Variants in ATE1 observed in about 807,000 individuals in gnomAD.
ATE1 encodes arginyl-tRNA--protein transferase 1.
ATE1 carries 36 observed loss-of-function variants against 70.5 expected under a neutral mutation model. The ratio of observed to expected loss-of-function variants is 0.51; its 90% CI spans 0.39 to 0.67. The LOEUF (loss-of-function observed/expected upper bound fraction) is 0.67, where lower values mean the gene tolerates loss of function less well. ATE1 is among the 30% of genes least tolerant of loss of function. The pLI is 0.00. For synonymous variants in ATE1, 232 were observed against 219.3 expected, an observed-to-expected ratio of 1.06 and a Z score of -0.51; for missense variants, 593 against 629.5, an observed-to-expected ratio of 0.94 and a Z score of 0.62.
chr10:121,854,236 T>C (rs1949161487), intron 8 of ATE1, among the ~76,000 whole-genome samples: 1 of 152,322 alleles, frequency 6.6e-6, no homozygotes, highest in Admixed American at 6.5e-5. Flanking sequence ...TAACCAGTTG[T>C]TTTTATCTAA....
intron 8 of ATE1, among the ~76,000 whole-genome samples, chr10:121,846,307 T>C (rs921985224): frequency 2.6e-5 from 4 of 152,182 alleles, no homozygotes; most frequent in Non-Finnish European, 5.9e-5. Flanking sequence ...CACACTGATA[T>C]ATATGATTGA....
chr10:121,754,079 C>A (rs1213798170), intron 11 of ATE1, among the ~76,000 whole-genome samples: 1 of 152,172 alleles, frequency 6.6e-6, no homozygotes, highest in African/African-American at 2.4e-5. Flanking sequence ...GATTAAAATT[C>A]CAGATACTGG....
At position 121,751,401 on chromosome 10, in the gene ATE1, A is replaced by C. The variant is rs76529183; in HGVS notation, c.1379-7543T>G. Among the ~76,000 whole-genome samples, 725 of 152,332 alleles carry C rather than the reference A, an allele frequency of 4.8e-3. 11 individuals carry two copies. Among genetic ancestry groups the C allele is most frequent in the African/African-American group, 0.016 (675 of 41,568 alleles). ...TGAAGAACTGCCAGACTGTTTTCCCAAGTGGCCGCCTCATTTGACATTCCC... is the reference window on the plus strand; with the variant it reads ...TGAAGAACTGCCAGACTGTTTTCCCCAGTGGCCGCCTCATTTGACATTCCC... On this transcript the variant is annotated intron_variant, in intron 11 of 11. Transcript: ENST00000224652.
intron 10 of ATE1, among the ~76,000 whole-genome samples, chr10:121,811,249 T>A (rs7093600): frequency 6.6e-6 from 1 of 151,954 alleles, no homozygotes; most frequent in African/African-American, 2.4e-5. Flanking sequence ...TATATAAACA[T>A]ACATTCACAT....
chr10:121,848,909 T>TA (rs959010195), intron 8 of ATE1, among the ~76,000 whole-genome samples: 39 of 125,206 alleles, frequency 3.1e-4, no homozygotes, highest in South Asian at 1.0e-3. Flanking sequence ...AGACTCCCTC[T>TA]AAAAAAAAAA....
In ATE1 at chr10:121,840,979, T is replaced by G. The variant is rs528066557; in HGVS notation, c.1157+103A>C. 40 of 1,065,224 alleles carry G rather than the reference T, an allele frequency of 3.8e-5. No homozygotes were observed. The East Asian group carries it at 1.0e-3, about 27-fold the overall frequency. The allele number at this position is 1,065,224 out of a possible 1,614,324, so 66.0% of individuals were successfully genotyped here. A position where few individuals can be genotyped will look rare whatever the true frequency, so the allele number is the denominator to read the frequency against. On this transcript the variant is annotated intron_variant, in intron 9 of 11. Transcript: ENST00000224652. ...CTAGCAACAAATCATTATAATACAC[T>G]GTCAATTAGGACTTCTACTGTTACA...
rs191189679 is a variant in ATE1, at chr10:121,786,575, G to C, written c.1378+3594C>G. Among the ~76,000 whole-genome samples, 231 of 152,012 alleles carry C rather than the reference G, an allele frequency of 1.5e-3. 2 individuals carry two copies. Among genetic ancestry groups the C allele is most frequent in the Non-Finnish European group, 1.0e-3 (69 of 67,986 alleles). Reference sequence around the variant, plus strand: ...TCCCAGCTACTTAAGAGACTGAGGCGGGAGGATCGTTTGAGCCCTGGAGGC... The same window carrying C: ...TCCCAGCTACTTAAGAGACTGAGGCCGGAGGATCGTTTGAGCCCTGGAGGC... On this transcript the variant is annotated intron_variant, in intron 11 of 11. Transcript: ENST00000224652.
chr10:121,800,963 T>C (rs1946854868), intron 10 of ATE1, among the ~76,000 whole-genome samples: 1 of 152,192 alleles, frequency 6.6e-6, no homozygotes. Flanking sequence ...TTTCATTACA[T>C]AAACAGAGAT....
chr10:121,781,329 C>T (rs1945979126), intron 11 of ATE1, among the ~76,000 whole-genome samples: 1 of 152,202 alleles, frequency 6.6e-6, no homozygotes, highest in Non-Finnish European at 1.5e-5. Flanking sequence ...TCTGATGCAG[C>T]AGCCTGGTAC....
intron 11 of ATE1, among the ~76,000 whole-genome samples, chr10:121,755,791 T>A (rs1454957867): frequency 6.6e-6 from 1 of 152,126 alleles, no homozygotes; most frequent in Non-Finnish European, 1.5e-5. Context: ...CCCACCCCCA[T>A]AACTCACCAC....
intron 10 of ATE1, among the ~76,000 whole-genome samples, chr10:121,812,427 G>T (rs1947362724): frequency 2.0e-5 from 3 of 152,006 alleles, no homozygotes; most frequent in Non-Finnish European, 4.4e-5. Context: ...TGGGGGGTGG[G>T]GAGAAGAAGG....
At chr10:121,898,637 A>G (rs1281634911) in intron 7 of ATE1, among the ~76,000 whole-genome samples, 2 of 152,198 alleles carry the variant, frequency 1.3e-5, no homozygotes, top group Non-Finnish European at 2.9e-5. Context: ...AGGTTCCTAG[A>G]GAAAACACTA....
intron 9 of ATE1, among the ~76,000 whole-genome samples, chr10:121,838,552 A>G (rs578191153): frequency 6.6e-6 from 1 of 152,148 alleles, no homozygotes; most frequent in Non-Finnish European, 1.5e-5. Flanking sequence ...TTGCCCCTGA[A>G]ATGTCACCTG....
chr10:121,928,430 A>G (rs1483678278), upstream of ATE1: 7 of 1,520,064 alleles, frequency 4.6e-6, no homozygotes, highest in African/African-American at 1.4e-5. Context: ...CACCGACGCC[A>G]TGGCCGCCGC....
intron 8 of ATE1, among the ~76,000 whole-genome samples, chr10:121,867,242 C>T (rs992943789): frequency 6.6e-6 from 1 of 152,168 alleles, no homozygotes; most frequent in Non-Finnish European, 1.5e-5. Flanking sequence ...AATGAGCTTA[C>T]ATTTGAGAGA....
At chr10:121,754,813 C>T (rs1333218264) in intron 11 of ATE1, among the ~76,000 whole-genome samples, 3 of 152,206 alleles carry the variant, frequency 2.0e-5, no homozygotes, top group Admixed American at 1.3e-4. Flanking sequence ...GTACATTCCA[C>T]TTCCCCAAGT....
intron 2 of ATE1, among the ~76,000 whole-genome samples, chr10:121,923,944 C>T (rs949336382): frequency 2.6e-5 from 4 of 152,278 alleles, no homozygotes; most frequent in East Asian, 1.9e-4. Context: ...GGATAAATGT[C>T]ATAATAACCT....
chr10:121,819,928 T>A (rs921353400), intron 10 of ATE1, among the ~76,000 whole-genome samples: 2 of 151,442 alleles, frequency 1.3e-5, no homozygotes, highest in African/African-American at 2.4e-5. Flanking sequence ...GGCAGATCAC[T>A]TGAGGTCAGG....
intron 10 of ATE1, among the ~76,000 whole-genome samples, chr10:121,793,110 C>A (rs1290671112): frequency 6.6e-6 from 1 of 152,134 alleles, no homozygotes; most frequent in Non-Finnish European, 1.5e-5. Flanking sequence ...AAAGGCAAAT[C>A]ACTTAAGCAC....
Sources: allele counts gnomAD v4.1 joint callset (sites outside exome capture counted in the v4.1 genomes callset), GRCh38; gene constraint gnomAD v4.1.1; transcripts MANE v1.5; gene names NCBI Gene and HGNC (gene_info 2026-07-23, HGNC 2026-07-21).